Variants in BRI3 observed in about 807,000 individuals in gnomAD.
The protein encoded by BRI3 is membrane protein BRI3.
Under a neutral mutation model 12.8 loss-of-function variants are expected in BRI3, and 6 were observed. The ratio of observed to expected loss-of-function variants is 0.47; its 90% CI spans 0.26 to 0.93. BRI3 has a LOEUF of 0.93. Among genes scored for constraint, BRI3 ranks in the 40% least tolerant of loss-of-function variants. The probability of loss-of-function intolerance (pLI) is 0.15; values close to 1 mark genes in which losing one functional copy is unlikely to be tolerated. For synonymous variants in BRI3, 91 were observed against 76.1 expected (o/e 1.20, Z -1.02); for missense variants, 134 against 171.1 (o/e 0.78, Z 1.21).
chr7:98,310,176 C>A, exon 2 of BRI3: 1 of 377,578 alleles, frequency 2.6e-6, no homozygotes, highest in South Asian at 3.4e-5. Context: ...ATAGATAATT[C>A]TCAACAGTAT....
chr7:98,290,191 T>G (rs964786182), intron 2 of BRI3, among the ~76,000 whole-genome samples: 79 of 140,322 alleles, frequency 5.6e-4, no homozygotes, highest in Non-Finnish European at 1.0e-3. Flanking sequence ...GTTTTTTTTT[T>G]TTTTTTTTTT....
At chr7:98,290,181 G>GTTTTTTTTTTT (rs1180326213) in intron 2 of BRI3, among the ~76,000 whole-genome samples, 1 of 102,564 alleles carries the variant, frequency 9.8e-6, no homozygotes, top group African/African-American at 4.2e-5. Flanking sequence ...TCTCAAGGTT[G>GTTTTTTTTTTT]TTTTTTTTTT....
chr7:98,299,513 G>A (rs1235255024), intron 1 of BRI3, among the ~76,000 whole-genome samples: 1 of 150,966 alleles, frequency 6.6e-6, no homozygotes, highest in Admixed American at 6.6e-5. Context: ...ACCACGTTAT[G>A]GATCAAGCTT....
chr7:98,290,952 G>C (rs945823472), intron 2 of BRI3, among the ~76,000 whole-genome samples, 159 bp from the exon 3 acceptor site: 2 of 149,246 alleles, frequency 1.3e-5, no homozygotes, highest in African/African-American at 5.0e-5. Context: ...GTGGGCTGTA[G>C]CTGGGTGGTG....
chr7:98,309,717 C>T (rs1011989226), exon 2 of BRI3: 3 of 152,340 alleles, frequency 2.0e-5, no homozygotes, highest in Admixed American at 2.0e-4. Context: ...CCGCAACCTT[C>T]ACACCATGGG....
chr7:98,282,505 G>T, intron 2 of BRI3, 52 bp downstream of exon 2: 1 of 1,471,264 alleles, frequency 6.8e-7, no homozygotes, highest in Non-Finnish European at 9.5e-7. Context: ...GAGGACCCCC[G>T]CCCTAACCCC....
chr7:98,316,977 C>T, the BRI3 span, among the ~76,000 whole-genome samples: 1 of 54,332 alleles, frequency 1.8e-5, no homozygotes, highest in Non-Finnish European at 4.5e-5. Context: ...AATTCTCCTG[C>T]CTCAGCCTCC....
At chr7:98,319,255 T>G in the BRI3 span, among the ~76,000 whole-genome samples, 3,708 of 152,012 alleles carry the variant, frequency 0.024, 150 homozygotes, top group African/African-American at 0.085. Flanking sequence ...CAATACCGGG[T>G]CTGTAGGGCC....
chr7:98,285,682 C>T (rs938363088), intron 2 of BRI3, among the ~76,000 whole-genome samples: 2 of 152,158 alleles, frequency 1.3e-5, no homozygotes, highest in African/African-American at 4.8e-5. Flanking sequence ...GCAGAGTCTC[C>T]GGGCACCTTC....
chr7:98,322,683 C>T, the BRI3 span, among the ~76,000 whole-genome samples: 2 of 152,174 alleles, frequency 1.3e-5, no homozygotes, highest in Non-Finnish European at 2.9e-5. Context: ...ACTCACGTCC[C>T]ACCACGTGGG....
At chr7:98,306,415 G>C (rs761545153), upstream of BRI3, 18 of 1,613,438 alleles carry the variant, frequency 1.1e-5, no homozygotes, top group Non-Finnish European at 1.5e-5. Flanking sequence ...GTCACCGGGA[G>C]AGCTCAGCCA....
At chr7:98,282,616 T>G (rs1584385777) in intron 2 of BRI3, 163 bp downstream of exon 2, 2 of 632,626 alleles carry the variant, frequency 3.2e-6, no homozygotes, top group Non-Finnish European at 5.6e-6. Context: ...GAATGCGGTG[T>G]GGGAGAGTGC....
chr7:98,300,825 C>T (rs766458194), intron 1 of BRI3, among the ~76,000 whole-genome samples: 3 of 152,144 alleles, frequency 2.0e-5, no homozygotes, highest in South Asian at 2.1e-4. Flanking sequence ...GGCTGGTGCC[C>T]GACCCCAGCT....
At chr7:98,293,482 G>A, downstream of BRI3, 1 of 1,582,156 alleles carries the variant, frequency 6.3e-7, no homozygotes, top group Non-Finnish European at 8.7e-7. Flanking sequence ...TTCCGCAAGG[G>A]AGAACCGGAG....
At chr7:98,296,863 G>T (rs1335386250), downstream of BRI3, among the ~76,000 whole-genome samples, 1 of 152,098 alleles carries the variant, frequency 6.6e-6, no homozygotes, top group Non-Finnish European at 1.5e-5. Flanking sequence ...GCCCCCAAGG[G>T]TCTCACAGCA....
intron 2 of BRI3, chr7:98,282,711 C>T (rs1327532064): frequency 4.4e-6 from 2 of 459,456 alleles, no homozygotes; most frequent in Non-Finnish European, 7.8e-6. Flanking sequence ...CATTGCACCC[C>T]AAGTGATTGG....
downstream of BRI3, chr7:98,293,319 G>T (rs906437800): frequency 6.1e-5 from 32 of 527,340 alleles, no homozygotes; most frequent in Admixed American, 1.0e-4. Flanking sequence ...CTGGTCATTA[G>T]ACTATTACTC....
the BRI3 span, among the ~76,000 whole-genome samples, chr7:98,317,051 C>A: frequency 6.6e-6 from 1 of 152,094 alleles, no homozygotes; most frequent in South Asian, 2.1e-4. Flanking sequence ...CAAGGTTTCA[C>A]CACATTGGCC....
chr7:98,304,250 G>A (rs766843772), upstream of BRI3: 7 of 1,613,506 alleles, frequency 4.3e-6, no homozygotes, highest in Non-Finnish European at 5.9e-6. Context: ...ATGTCGTCCT[G>A]GCCGAATCTG....
Sources: gnomAD v4.1 joint callset for allele counts (sites outside exome capture counted in the v4.1 genomes callset) on GRCh38, gnomAD v4.1.1 for gene constraint, MANE v1.5 for transcripts, NCBI Gene and HGNC (gene_info 2026-07-23, HGNC 2026-07-21) for gene names.